RSU1: variants seen among roughly 807,000 people sequenced by gnomAD.
The protein encoded by RSU1 is rsu-1.
Under a neutral mutation model 31.1 loss-of-function variants are expected in RSU1, and 26 were observed. That is an observed-to-expected ratio of 0.84 (90% CI 0.61 to 1.16). RSU1 has a LOEUF of 1.16. RSU1 is among the 50% of genes most tolerant of loss of function. The pLI, the probability that RSU1 is intolerant of heterozygous loss-of-function variation, is 0.00. For synonymous variants in RSU1, 164 were observed against 136.3 expected, an observed-to-expected ratio of 1.20 and a Z score of -1.41; for missense variants, 320 against 339.1, an observed-to-expected ratio of 0.94 and a Z score of 0.44.
At position 16,695,163 on chromosome 10, in the gene RSU1, G is replaced by GGT; in HGVS notation, c.599-9_599-8insAC. 1 of 1,472,934 alleles carries GGT rather than the reference G, an allele frequency of 6.8e-7. No individual in the cohort carries two copies. The highest frequency in any genetic ancestry group is 9.1e-7 in the Non-Finnish European group (1 of 1,095,040). 91.2% of individuals were successfully genotyped at this position (1,472,934 alleles called of 1,614,324 possible). A position where few individuals can be genotyped will look rare whatever the true frequency, so the allele number is the denominator to read the frequency against. Reference sequence around the variant, plus strand: ...CAGTTAAATCCAAGTTTCCTGGGGGGGGGGAAAAAAAAAGTGAAGGTCACT... The same window carrying GGT: ...CAGTTAAATCCAAGTTTCCTGGGGGGGTGGGGAAAAAAAAAGTGAAGGTCACT... On this transcript the variant is annotated splice_polypyrimidine_tract_variant and intron_variant, in intron 7 of 8. Coordinates refer to ENST00000345264, the MANE Select transcript of RSU1 (RefSeq NM_012425.4).
intron 7 of RSU1, among the ~76,000 whole-genome samples, chr10:16,704,438 G>A (rs536843640): frequency 6.6e-6 from 1 of 152,214 alleles, no homozygotes; most frequent in Non-Finnish European, 1.5e-5. Context: ...TAGGCAGCCA[G>A]GCAGGTATTT....
rs556426965 is a variant in RSU1 at position 16,814,829 on chromosome 10, G to T, written c.109+2144C>A. 1.4e-4 allele frequency among the ~76,000 whole-genome samples: 13 copies of T among 95,230 alleles called. 1 individual carries two copies. The South Asian group carries it at 3.8e-3, about 28-fold the overall frequency. The allele number at this position is 95,230 out of a possible 152,430, so 62.5% of individuals were successfully genotyped here. A position where few individuals can be genotyped will look rare whatever the true frequency, so the allele number is the denominator to read the frequency against. ...TTATACCGGAAATATATTTCAGGAA[G>T]CAAGTGGCTTTTCTTCCTTAATAAA... is the stretch of plus-strand genomic sequence containing the variant. On this transcript the variant is annotated intron_variant, in intron 2 of 8. Transcript: ENST00000345264.
intron 5 of RSU1, 97 bp downstream of exon 5, chr10:16,754,774 A>G (rs1369612059): frequency 1.6e-5 from 12 of 742,842 alleles, no homozygotes; most frequent in South Asian, 3.6e-5. Context: ...TCTCTGTCCA[A>G]TAATTTCTCT....
At chr10:16,708,682 C>G (rs1328486794) in intron 7 of RSU1, among the ~76,000 whole-genome samples, 6 of 151,988 alleles carry the variant, frequency 3.9e-5, no homozygotes, top group Admixed American at 1.3e-4. Flanking sequence ...ATATGGCCAT[C>G]TTAACTATAT....
intron 7 of RSU1, among the ~76,000 whole-genome samples, chr10:16,695,506 G>A (rs1288706426): frequency 6.6e-6 from 1 of 152,170 alleles, no homozygotes; most frequent in East Asian, 1.9e-4. Flanking sequence ...ATGTCAGTAT[G>A]CATCATGCCT....
chr10:16,740,708 C>A (rs766152070), intron 7 of RSU1, among the ~76,000 whole-genome samples: 14 of 152,058 alleles, frequency 9.2e-5, no homozygotes, highest in Non-Finnish European at 1.3e-4. Flanking sequence ...AAAATAATTT[C>A]ATATATAATA....
intron 7 of RSU1, among the ~76,000 whole-genome samples, chr10:16,709,430 A>C (rs980785191): frequency 5.3e-5 from 8 of 152,102 alleles, no homozygotes; most frequent in Admixed American, 3.9e-4. Context: ...AGTCTTTGCT[A>C]TTGTGAATAG....
intron 4 of RSU1, among the ~76,000 whole-genome samples, chr10:16,757,121 G>A (rs1466663528): frequency 1.3e-5 from 2 of 151,604 alleles, no homozygotes; most frequent in Admixed American, 6.6e-5. Flanking sequence ...GTGTGCGTGT[G>A]TGTGTGTGGG....
At chr10:16,709,601 C>T (rs1291635146) in intron 7 of RSU1, among the ~76,000 whole-genome samples, 1 of 152,190 alleles carries the variant, frequency 6.6e-6, no homozygotes, top group Non-Finnish European at 1.5e-5. Context: ...AACTAGTTTA[C>T]AGTCCCACCA....
intron 7 of RSU1, among the ~76,000 whole-genome samples, chr10:16,733,372 G>T (rs1292607119): frequency 1.3e-5 from 2 of 151,266 alleles, no homozygotes; most frequent in South Asian, 2.1e-4. Flanking sequence ...GCCAAGCGTG[G>T]TGGCAGGTGC....
At chr10:16,663,549 C>G (rs1834926570) in intron 8 of RSU1, among the ~76,000 whole-genome samples, 2 of 152,184 alleles carry the variant, frequency 1.3e-5, no homozygotes, top group African/African-American at 4.8e-5. Flanking sequence ...GGGCCATTAT[C>G]TCTGCCATTA....
intron 8 of RSU1, 139 bp downstream of exon 8, chr10:16,694,884 G>A (rs558385559): frequency 1.3e-6 from 1 of 786,444 alleles, no homozygotes; most frequent in African/African-American, 1.7e-5. Context: ...TGGCCGACAT[G>A]CAGTTTTTAA....
chr10:16,678,715 A>T (rs1286704005), intron 8 of RSU1, among the ~76,000 whole-genome samples: 1 of 152,188 alleles, frequency 6.6e-6, no homozygotes, highest in East Asian at 1.9e-4. Flanking sequence ...TTCAATAGGT[A>T]CCACAGGATA....
intron 7 of RSU1, among the ~76,000 whole-genome samples, chr10:16,726,039 A>G (rs72774633): frequency 0.12 from 17,943 of 151,534 alleles, 2,587 homozygotes; most frequent in African/African-American, 0.35. Context: ...GTGTATATAC[A>G]TATAAAACTT....
At chr10:16,804,770 T>G (rs1838231431) in intron 2 of RSU1, among the ~76,000 whole-genome samples, 2 of 152,088 alleles carry the variant, frequency 1.3e-5, no homozygotes, top group African/African-American at 4.8e-5. Flanking sequence ...AAGGGTAAAA[T>G]TATAGAGACA....
intron 8 of RSU1, among the ~76,000 whole-genome samples, chr10:16,692,017 C>T (rs1835565133): frequency 2.0e-5 from 3 of 152,100 alleles, no homozygotes; most frequent in Admixed American, 2.0e-4. Context: ...CAATTCACCC[C>T]AAAGTGCTGG....
chr10:16,729,308 A>C (rs528889183), intron 7 of RSU1, among the ~76,000 whole-genome samples: 2 of 152,338 alleles, frequency 1.3e-5, no homozygotes, highest in African/African-American at 4.8e-5. Context: ...CTTCCAATTC[A>C]GACCCACAAA....
At chr10:16,693,275 G>C (rs1307780315) in intron 8 of RSU1, among the ~76,000 whole-genome samples, 1 of 152,146 alleles carries the variant, frequency 6.6e-6, no homozygotes, top group Non-Finnish European at 1.5e-5. Flanking sequence ...TTTACAGCTT[G>C]TCTTCTCTGT....
Position 16,645,885 on chromosome 10 carries a change from T to C in RSU1, c.731+49138A>G, listed in dbSNP as rs1306355415. 4.1e-5 allele frequency among the ~76,000 whole-genome samples: 4 copies of C among 98,666 alleles called. 1 individual carries two copies. The highest frequency in any genetic ancestry group is 5.7e-5 in the Non-Finnish European group (3 of 52,302). 64.7% of individuals were successfully genotyped at this position (98,666 alleles called of 152,430 possible). On this transcript the variant is annotated intron_variant, in intron 8 of 8. Transcript: ENST00000345264. Reference sequence around the variant, plus strand: ...ACGTATATATACATATATGTGTATATACATATATGTATATACACATATATG... The same window carrying C: ...ACGTATATATACATATATGTGTATACACATATATGTATATACACATATATG...
Sources: gnomAD v4.1 joint callset for allele counts (sites outside exome capture counted in the v4.1 genomes callset) on GRCh38, gnomAD v4.1.1 for gene constraint, MANE v1.5 for transcripts, NCBI Gene and HGNC (gene_info 2026-07-23, HGNC 2026-07-21) for gene names.